The following TNFRSF10C variants were observed in gnomAD, a reference collection of about 807,000 sequenced individuals.
TNFRSF10C encodes the protein tumor necrosis factor receptor superfamily member 10C.
Under a neutral mutation model 16.7 loss-of-function variants are expected in TNFRSF10C, and 17 were observed. That is an observed-to-expected ratio of 1.02 (90% CI 0.70 to 1.53). The LOEUF (loss-of-function observed/expected upper bound fraction) is 1.53. TNFRSF10C is among the 40% of genes most tolerant of loss of function. The pLI, the probability that TNFRSF10C is intolerant of heterozygous loss-of-function variation, is 0.00. For missense variants in TNFRSF10C, 237 were observed against 329.7 expected, an observed-to-expected ratio of 0.72 and a Z score of 2.18; for synonymous variants, 73 against 119.7, an observed-to-expected ratio of 0.61 and a Z score of 2.55.
chr8:23,115,712 T>A, intron 4 of TNFRSF10C, 96 bp downstream of exon 4: 1 of 952,446 alleles, frequency 1.0e-6, no homozygotes, highest in East Asian at 2.6e-5. Flanking sequence ...CTATGGAGCC[T>A]CCAGACCCAT....
At chr8:23,115,451 A>G in intron 3 of TNFRSF10C, 57 bp from the exon 4 acceptor site, 3 of 1,480,390 alleles carry the variant, frequency 2.0e-6, no homozygotes, top group East Asian at 2.3e-5. Context: ...GGTGGTAAGG[A>G]AGATCGAGGG....
chr8:23,112,196 A>G (rs569870682), intron 2 of TNFRSF10C, among the ~76,000 whole-genome samples: 2 of 152,348 alleles, frequency 1.3e-5, no homozygotes, highest in South Asian at 4.1e-4. Context: ...TATAGCACTT[A>G]TTTACATAGC....
intron 1 of TNFRSF10C, among the ~76,000 whole-genome samples, chr8:23,109,385 T>C (rs1053805923): frequency 6.6e-6 from 1 of 152,020 alleles, no homozygotes; most frequent in East Asian, 1.9e-4. Context: ...CATCTGTAAT[T>C]CCAGCACTTT....
At chr8:23,114,902 T>G (rs1302493228) in intron 3 of TNFRSF10C, 132 bp downstream of exon 3, 7 of 680,592 alleles carry the variant, frequency 1.0e-5, no homozygotes, top group Non-Finnish European at 1.8e-5. Flanking sequence ...TGATTATATA[T>G]TTGACTGATT....
chr8:23,103,456 G>A (rs1813710069), intron 1 of TNFRSF10C: 1 of 597,304 alleles, frequency 1.7e-6, no homozygotes, highest in African/African-American at 1.9e-5. Flanking sequence ...AGGGAGTCAA[G>A]GTGGAACCCA....
chr8:23,114,908 T>C lies in TNFRSF10C; in HGVS notation c.280+138T>C, dbSNP rs1164926654. On this transcript the variant is annotated intron_variant, in intron 3 of 4. Coordinates refer to ENST00000356864, the MANE Select transcript of TNFRSF10C (RefSeq NM_003841.5). ...CCTGTTCTATGATTATATATTTGAC[T>C]GATTAAAAAAATAGAAAGAAATCTT... 4 of 667,240 alleles carry C rather than the reference T, an allele frequency of 6.0e-6. No individual in the cohort carries two copies. In the Admixed American group the frequency reaches 8.7e-5, roughly 14 times the overall value. 41.3% of individuals were successfully genotyped at this position (667,240 alleles called of 1,614,324 possible).
At position 23,115,606 on chromosome 8, in the gene TNFRSF10C, A is replaced by G; in HGVS notation, c.379A>G (p.Lys127Glu). 1.2e-6 allele frequency: 2 copies of G among 1,613,514 alleles called. No individual in the cohort carries two copies. The highest frequency in any genetic ancestry group is 2.2e-5 in the East Asian group (1 of 44,874). Residue 127 changes from lysine (K) to glutamate (E), a missense_variant, in exon 4 of 5, where the codon AAG (lysine) becomes GAG (glutamate). This residue lies in a region of TNFRSF10C where 212 missense variants were observed against 196.8 expected (regional missense o/e 1.08). Coordinates refer to ENST00000356864, the MANE Select transcript of TNFRSF10C (RefSeq NM_003841.5). ...RNENSPEMCRKCSRCPSGEVQ... is the reference protein window; with the variant it reads ...RNENSPEMCRECSRCPSGEVQ... Reference sequence around the variant, plus strand: ...TGAAAACTCCCCAGAGATGTGCCGGAAGTGTAGCAGGTGAGACAGCAGTCA... The same window carrying G: ...TGAAAACTCCCCAGAGATGTGCCGGGAGTGTAGCAGGTGAGACAGCAGTCA...
intron 1 of TNFRSF10C, among the ~76,000 whole-genome samples, chr8:23,105,839 G>A (rs1813766511): frequency 6.6e-6 from 1 of 152,188 alleles, no homozygotes; most frequent in Non-Finnish European, 1.5e-5. Context: ...TCATGTAGTG[G>A]ATTTCCTAAC....
intron 4 of TNFRSF10C, among the ~76,000 whole-genome samples, chr8:23,115,849 C>G (rs1258660715): frequency 6.6e-6 from 1 of 151,578 alleles, no homozygotes; most frequent in African/African-American, 2.4e-5. Flanking sequence ...GTCCCCTTGG[C>G]CAGACCAACT....
intron 1 of TNFRSF10C, among the ~76,000 whole-genome samples, chr8:23,110,042 A>C (rs1481870104): frequency 1.6e-5 from 2 of 127,316 alleles, no homozygotes; most frequent in South Asian, 2.9e-4. Context: ...GCGCTCCAAC[A>C]TGGAGGACAG....
chr8:23,111,887 T>A, intron 2 of TNFRSF10C, 62 bp downstream of exon 2: 1 of 1,464,126 alleles, frequency 6.8e-7, no homozygotes, highest in East Asian at 2.4e-5. Context: ...TGTATGTATT[T>A]ATGATGTACA....
At chr8:23,113,312 T>G (rs1813914484) in intron 2 of TNFRSF10C, among the ~76,000 whole-genome samples, 1 of 152,236 alleles carries the variant, frequency 6.6e-6, no homozygotes, top group Non-Finnish European at 1.5e-5. Flanking sequence ...TGTAACCTCA[T>G]TTGTCTGTTT....
At chr8:23,108,564 G>A (rs1813820298) in intron 1 of TNFRSF10C, among the ~76,000 whole-genome samples, 1 of 152,208 alleles carries the variant, frequency 6.6e-6, no homozygotes. Context: ...TATGGGAGAT[G>A]AAAAGGGACC....
chr8:23,108,764 A>G (rs572737157), intron 1 of TNFRSF10C, among the ~76,000 whole-genome samples: 119 of 152,352 alleles, frequency 7.8e-4, no homozygotes, highest in Non-Finnish European at 1.3e-3. Context: ...CACACTATCA[A>G]CCACCTTGAT....
At chr8:23,108,635 G>A (rs947566296) in intron 1 of TNFRSF10C, among the ~76,000 whole-genome samples, 9 of 152,200 alleles carry the variant, frequency 5.9e-5, no homozygotes, top group African/African-American at 1.9e-4. Flanking sequence ...TATATGCCTA[G>A]TAATACATCT....
chr8:23,103,801 G>A (rs182224673), intron 1 of TNFRSF10C, among the ~76,000 whole-genome samples: 2 of 152,334 alleles, frequency 1.3e-5, no homozygotes, highest in East Asian at 1.9e-4. Flanking sequence ...GTTGTTGTGA[G>A]TTGGCTTTGG....
intron 1 of TNFRSF10C, among the ~76,000 whole-genome samples, chr8:23,110,564 G>C (rs776248161): frequency 6.6e-6 from 1 of 152,072 alleles, no homozygotes; most frequent in Admixed American, 6.5e-5. Context: ...CTATCTATCC[G>C]CACTCTATTC....
At chr8:23,104,449 C>G (rs1315657677) in intron 1 of TNFRSF10C, among the ~76,000 whole-genome samples, 1 of 152,218 alleles carries the variant, frequency 6.6e-6, no homozygotes, top group Non-Finnish European at 1.5e-5. Flanking sequence ...CTGGTTAGAT[C>G]CCATCCTGAC....
At chr8:23,109,139 A>C (rs533523075) in intron 1 of TNFRSF10C, among the ~76,000 whole-genome samples, 1 of 152,272 alleles carries the variant, frequency 6.6e-6, no homozygotes, top group African/African-American at 2.4e-5. Flanking sequence ...GGGGTTAGGG[A>C]GATGGGGAGT....
Sources: gnomAD v4.1 joint callset for allele counts (sites outside exome capture counted in the v4.1 genomes callset) on GRCh38, gnomAD v4.1.1 for gene constraint, gnomAD v4.1.1 regional missense constraint, MANE v1.5 for transcripts, NCBI Gene and HGNC (gene_info 2026-07-23, HGNC 2026-07-21) for gene names.